Variants in BCKDHB observed in about 807,000 individuals in gnomAD.
BCKDHB encodes the protein branched chain keto acid dehydrogenase E1 subunit beta.
In BCKDHB, 41 loss-of-function variants were observed where a neutral mutation model predicts 48.5. The observed-to-expected ratio is 0.85, with a 90% CI of 0.66 to 1.10. The LOEUF (loss-of-function observed/expected upper bound fraction) is 1.10. Among genes scored for constraint, BCKDHB ranks in the 50% least tolerant of loss-of-function variants. BCKDHB has a pLI of 0.00. For synonymous variants in BCKDHB, 201 were observed against 174.8 expected, an observed-to-expected ratio of 1.15 and a Z score of -1.18; for missense variants, 496 against 494.2, an observed-to-expected ratio of 1.00 and a Z score of -0.03.
the BCKDHB span, among the ~76,000 whole-genome samples, chr6:80,446,740 T>G: frequency 6.7e-6 from 1 of 149,988 alleles, no homozygotes; most frequent in African/African-American, 2.5e-5. Context: ...TTTTTTTTTT[T>G]TTTGGTCAGG....
intron 8 of BCKDHB, among the ~76,000 whole-genome samples, chr6:80,241,224 T>C (rs1029541202): frequency 1.3e-5 from 2 of 152,174 alleles, no homozygotes; most frequent in African/African-American, 4.8e-5. Context: ...AAGTTTGTTA[T>C]TACTGATCTT....
chr6:80,318,269 T>C (rs1768542222), intron 9 of BCKDHB, among the ~76,000 whole-genome samples: 1 of 152,130 alleles, frequency 6.6e-6, no homozygotes, highest in Non-Finnish European at 1.5e-5. Flanking sequence ...AAATTAATAG[T>C]CAAACAGGGA....
At chr6:80,231,658 A>G (rs943975484) in intron 8 of BCKDHB, among the ~76,000 whole-genome samples, 11 of 152,214 alleles carry the variant, frequency 7.2e-5, no homozygotes, top group Non-Finnish European at 1.5e-4. Context: ...ATCAAATCAT[A>G]CAAATAAAGT....
chr6:80,206,455 C>G (rs1245103900), intron 8 of BCKDHB, among the ~76,000 whole-genome samples: 1 of 151,608 alleles, frequency 6.6e-6, no homozygotes, highest in Non-Finnish European at 1.5e-5. Context: ...AGTTAGCAGA[C>G]AAGAACATCT....
chr6:80,368,890 G>A, the BCKDHB span, among the ~76,000 whole-genome samples: 1 of 151,988 alleles, frequency 6.6e-6, no homozygotes, highest in Non-Finnish European at 1.5e-5. Context: ...GCTCGTGCCT[G>A]TAGTCCCAGC....
intron 9 of BCKDHB, among the ~76,000 whole-genome samples, chr6:80,306,075 A>G (rs968225477): frequency 1.3e-5 from 2 of 152,218 alleles, no homozygotes; most frequent in African/African-American, 4.8e-5. Context: ...GTGAATTAAT[A>G]CATGTAAAAC....
intron 8 of BCKDHB, among the ~76,000 whole-genome samples, chr6:80,204,995 C>T (rs1006073786): frequency 2.0e-5 from 3 of 151,972 alleles, no homozygotes; most frequent in Non-Finnish European, 2.9e-5. Flanking sequence ...GACTTATTAG[C>T]GTCATTATTT....
chr6:80,220,405 GTTTT>G (rs58469565), intron 8 of BCKDHB, among the ~76,000 whole-genome samples: 1 of 33,854 alleles, frequency 3.0e-5, no homozygotes, highest in African/African-American at 8.5e-5. Context: ...CTTTAGTAGT[GTTTT>G]TTTTTTTTTT....
At chr6:80,414,251 C>T in the BCKDHB span, among the ~76,000 whole-genome samples, 3 of 151,924 alleles carry the variant, frequency 2.0e-5, no homozygotes, top group African/African-American at 2.4e-5. Context: ...TAGGTTGTCC[C>T]TTCACTCTAT....
At chr6:80,223,224 A>G (rs2127866591) in intron 8 of BCKDHB, among the ~76,000 whole-genome samples, 1 of 152,286 alleles carries the variant, frequency 6.6e-6, no homozygotes, top group South Asian at 2.1e-4. Flanking sequence ...TCTGTTCTAT[A>G]TGCTGTGTTT....
chr6:80,452,081 T>G, the BCKDHB span, among the ~76,000 whole-genome samples: 1 of 152,192 alleles, frequency 6.6e-6, no homozygotes, highest in East Asian at 1.9e-4. Context: ...AACCCCAGGT[T>G]GCTGGAGTGG....
At chr6:80,302,547 CA>C (rs1453616025) in intron 9 of BCKDHB, among the ~76,000 whole-genome samples, 1 of 152,054 alleles carries the variant, frequency 6.6e-6, no homozygotes, top group African/African-American at 2.4e-5. Context: ...ATTGGATGTT[CA>C]AAATGCTGAC....
In BCKDHB at chr6:80,346,241, T is replaced by C. The variant is rs968341123; in HGVS notation, c.*2437T>C. ...ACATCTGTAAATATTATGTGTGTGA[T>C]AGTATTCAATAAAGTAAAATCAAAT... On this transcript the variant is annotated 3_prime_UTR_variant, in exon 10 of 10. Coordinates refer to ENST00000320393, the MANE Select transcript of BCKDHB (RefSeq NM_183050.4). 2.6e-5 allele frequency: 4 copies of C among 152,212 alleles called. No individual in the cohort carries two copies. The highest frequency in any genetic ancestry group is 6.5e-5 in the Admixed American group (1 of 15,278). The allele number at this position is 152,212 out of a possible 1,614,324, so 9.4% of individuals were successfully genotyped here. A position where few individuals can be genotyped will look rare whatever the true frequency, so the allele number is the denominator to read the frequency against.
chr6:80,114,949 C>T (rs1331803137), intron 1 of BCKDHB, among the ~76,000 whole-genome samples: 2 of 152,202 alleles, frequency 1.3e-5, no homozygotes, highest in Admixed American at 1.3e-4. Context: ...TTACCAGGTG[C>T]CCTGAGATGG....
At chr6:80,230,015 GT>G (rs1020790237) in intron 8 of BCKDHB, among the ~76,000 whole-genome samples, 1 of 134,130 alleles carries the variant, frequency 7.5e-6, no homozygotes, top group African/African-American at 2.9e-5. Context: ...TTCCAAAGGG[GT>G]TTTTAGGTTG....
At chr6:80,108,371 C>G (rs552278003) in intron 1 of BCKDHB, among the ~76,000 whole-genome samples, 2 of 147,718 alleles carry the variant, frequency 1.4e-5, no homozygotes, top group East Asian at 4.0e-4. Context: ...CAAATTCTGT[C>G]TTCAAAGCAA....
intron 9 of BCKDHB, among the ~76,000 whole-genome samples, chr6:80,334,699 G>A (rs7766674): frequency 0.26 from 38,951 of 151,202 alleles, 5,269 homozygotes; most frequent in Non-Finnish European, 0.31. Flanking sequence ...GCATTGTGTA[G>A]ATAAAAATAG....
intron 8 of BCKDHB, among the ~76,000 whole-genome samples, chr6:80,234,356 C>A (rs902207106): frequency 6.6e-6 from 1 of 152,092 alleles, no homozygotes; most frequent in Non-Finnish European, 1.5e-5. Flanking sequence ...AGAGACTTAA[C>A]TTTTTCTTGG....
intron 6 of BCKDHB, among the ~76,000 whole-genome samples, chr6:80,190,368 T>A (rs1030010569): frequency 3.3e-5 from 5 of 152,208 alleles, no homozygotes; most frequent in African/African-American, 1.2e-4. Flanking sequence ...TCAAGCTTGA[T>A]ATATGTTTAT....
Sources: gnomAD v4.1 joint callset for allele counts (sites outside exome capture counted in the v4.1 genomes callset) on GRCh38, gnomAD v4.1.1 for gene constraint, MANE v1.5 for transcripts, NCBI Gene and HGNC (gene_info 2026-07-23, HGNC 2026-07-21) for gene names.